The following ZNF284 variants were observed in gnomAD, a reference collection of about 807,000 sequenced individuals.
ZNF284 encodes the protein zinc finger protein 284.
A neutral mutation model predicts 12.9 loss-of-function variants in ZNF284; 12 were observed. That is an observed-to-expected ratio of 0.93 (90% CI 0.60 to 1.51). ZNF284 has a LOEUF of 1.51. Ranked by LOEUF, ZNF284 falls within the 40% of genes most tolerant of loss-of-function variation. ZNF284 has a pLI of 0.00. For missense variants in ZNF284, 667 were observed against 707.3 expected (o/e 0.94, Z 0.65); for synonymous variants, 225 against 236.5 (o/e 0.95, Z 0.45).
intron 3 of ZNF284, 36 bp from the exon 4 acceptor site, chr19:44,081,977 G>T: frequency 6.4e-7 from 1 of 1,551,282 alleles, no homozygotes. Flanking sequence ...TTTTACCTAA[G>T]ATGTATTGGG....
chr19:44,076,527 C>A, intron 2 of ZNF284, 123 bp downstream of exon 2: 2 of 919,050 alleles, frequency 2.2e-6, no homozygotes, highest in Non-Finnish European at 3.2e-6. Context: ...CTGTTGTGTG[C>A]CAGATGCTTC....
chr19:44,085,143 T>G (rs1967209820), intron 4 of ZNF284: 1 of 152,312 alleles, frequency 6.6e-6, no homozygotes, highest in African/African-American at 2.4e-5. Flanking sequence ...CTCTGCTGAA[T>G]TCCAGTGATC....
rs75328940 is a variant in ZNF284, at chr19:44,072,941, T to C, written c.-69+650T>C. 7.5e-3 allele frequency among the ~76,000 whole-genome samples: 1,150 copies of C among 152,376 alleles called. 9 individuals carry two copies. The highest frequency in any genetic ancestry group is 0.055 in the South Asian group (268 of 4,834). ...GACTTCTTGGCTACTGAGGGCAAAG[T>C]TCCACGAGAGTGGTCCTTGGCTTTT... On this transcript the variant is annotated intron_variant, in intron 1 of 4. Transcript: ENST00000421176.
At chr19:44,082,175 A>G (rs987255858) in intron 4 of ZNF284, 70 bp downstream of exon 4, 2 of 1,282,948 alleles carry the variant, frequency 1.6e-6, no homozygotes, top group Non-Finnish European at 1.1e-6. Flanking sequence ...CCATTGCCCA[A>G]CTCCATTGCC....
chr19:44,088,100 A>G lies in ZNF284; in HGVS notation c.*840A>G, dbSNP rs960886674. Reference sequence around the variant, plus strand: ...AAAAATTTTTGTATTTTTAGTGAAGATGGGGTTTCACCACATTGGCCAGGC... The same window carrying G: ...AAAAATTTTTGTATTTTTAGTGAAGGTGGGGTTTCACCACATTGGCCAGGC... On this transcript the variant is annotated 3_prime_UTR_variant, in exon 5 of 5. Transcript: ENST00000421176. The G allele has an allele frequency of 8.6e-5, 13 of 151,920 alleles. No individual in the cohort carries two copies. The highest frequency in any genetic ancestry group is 7.9e-4 in the Admixed American group (12 of 15,270). 9.4% of individuals were successfully genotyped at this position (151,920 alleles called of 1,614,324 possible).
intron 4 of ZNF284, among the ~76,000 whole-genome samples, chr19:44,084,538 G>C (rs1378450608): frequency 6.6e-6 from 1 of 152,170 alleles, no homozygotes; most frequent in Non-Finnish European, 1.5e-5. Flanking sequence ...TGCCGTTAGA[G>C]GCAGCAGCCC....
rs988676226 is a variant in ZNF284 at position 44,089,388 on chromosome 19, CAAAG to C, written c.*2132_*2135del. The stretch of plus-strand genomic sequence containing the variant: ...GGGGGGCGTGGAAATCACTAAACAA[CAAAG>C]AAAATCTGATGAATTGGACAGCATA... On this transcript the variant is annotated 3_prime_UTR_variant, in exon 5 of 5. Transcript: ENST00000421176. 2 of 151,978 alleles carry C rather than the reference CAAAG, an allele frequency of 1.3e-5. No homozygotes were observed. Among genetic ancestry groups the C allele is most frequent in the African/African-American group, 4.8e-5 (2 of 41,354 alleles). The allele number at this position is 151,978 out of a possible 1,614,324, so 9.4% of individuals were successfully genotyped here.
chr19:44,085,964 TG>T lies in ZNF284; in HGVS notation c.487del (p.Asp163IlefsTer248), dbSNP rs779007768. 4 of 1,614,064 alleles carry T rather than the reference TG, an allele frequency of 2.5e-6. No homozygotes were observed. The Admixed American group carries it at 6.7e-5, about 27-fold the overall frequency. ...KKFFSDVSIL[D>X]LHQQLHSGKI... is the part of the protein sequence containing the mutation. ...AATTCTTCAGTGATGTCTCCATCCTTGATCTTCATCAACAATTACACTCAGG... is the reference window on the plus strand; with the variant it reads ...AATTCTTCAGTGATGTCTCCATCCTTATCTTCATCAACAATTACACTCAGG... On this transcript the variant is annotated frameshift_variant, in exon 5 of 5. Transcript: ENST00000421176. LOFTEE classifies it low-confidence loss of function (END_TRUNC).
At position 44,086,841 on chromosome 19, in the gene ZNF284, T is replaced by C; in HGVS notation, c.1363T>C (p.Tyr455His). 1.9e-6 allele frequency: 3 copies of C among 1,614,042 alleles called. No individual in the cohort carries two copies. The highest frequency in any genetic ancestry group is 2.5e-6 in the Non-Finnish European group (3 of 1,179,990). Reference sequence around the variant, plus strand: ...GAGGGTCCACACGGGAGAGAGACCTTATAATTGTAAGGAATGTGGAAAGAG... The same window carrying C: ...GAGGGTCCACACGGGAGAGAGACCTCATAATTGTAAGGAATGTGGAAAGAG... Reference protein sequence around the residue: ...HQRVHTGERPYNCKECGKSFR... With the variant: ...HQRVHTGERPHNCKECGKSFR... Residue 455 changes from tyrosine to histidine, a missense_variant, in exon 5 of 5, where the codon TAT becomes CAT. Transcript: ENST00000421176.
chr19:44,076,606 G>T (rs1031165665), intron 2 of ZNF284, among the ~76,000 whole-genome samples: 1 of 151,978 alleles, frequency 6.6e-6, no homozygotes, highest in African/African-American at 2.4e-5. Context: ...TTTATGTTAT[G>T]AGTAGAAATT....
At chr19:44,074,076 G>A (rs888627074) in intron 1 of ZNF284, among the ~76,000 whole-genome samples, 23 of 151,406 alleles carry the variant, frequency 1.5e-4, no homozygotes, top group Admixed American at 7.2e-4. Context: ...GATATTGGCC[G>A]GGCATGGTGG....
chr19:44,078,449 AATT>A (rs752073895), intron 2 of ZNF284, among the ~76,000 whole-genome samples: 15 of 152,102 alleles, frequency 9.9e-5, no homozygotes, highest in Non-Finnish European at 1.8e-4. Flanking sequence ...TTTCATTTGA[AATT>A]ATTGTATTAT....
chr19:44,081,908 G>A (rs919399877), intron 3 of ZNF284, 105 bp from the exon 4 acceptor site: 21 of 843,264 alleles, frequency 2.5e-5, no homozygotes, highest in African/African-American at 8.5e-5. Context: ...TGGGGACACC[G>A]CCAAACCATA....
At position 44,087,687 on chromosome 19, in the gene ZNF284, G is replaced by A. The variant is rs1340223232; in HGVS notation, c.*427G>A. 1 of 148,784 alleles carries A rather than the reference G, an allele frequency of 6.7e-6. No individual in the cohort carries two copies. Among genetic ancestry groups the A allele is most frequent in the Non-Finnish European group, 1.5e-5 (1 of 68,574 alleles). 9.2% of individuals were successfully genotyped at this position (148,784 alleles called of 1,614,324 possible). ...TCTCACTGCAGCCTCCACCTCCTGG[G>A]TTCAAGCGATTCTCCTGCCTAAACC... On this transcript the variant is annotated 3_prime_UTR_variant, in exon 5 of 5. Coordinates refer to ENST00000421176, the MANE Select transcript of ZNF284 (RefSeq NM_001037813.4).
At chr19:44,082,718 CT>C (rs890732518) in intron 4 of ZNF284, among the ~76,000 whole-genome samples, 1 of 152,184 alleles carries the variant, frequency 6.6e-6, no homozygotes, top group Non-Finnish European at 1.5e-5. Flanking sequence ...TGGCTCTTGT[CT>C]CCCTTCCTCC....
At chr19:44,074,333 A>C (rs1266986670) in intron 1 of ZNF284, among the ~76,000 whole-genome samples, 1 of 152,132 alleles carries the variant, frequency 6.6e-6, no homozygotes, top group African/African-American at 2.4e-5. Flanking sequence ...AGCCTGGGCA[A>C]CAAGAGCGAA....
Position 44,086,943 on chromosome 19 carries a change from G to C in ZNF284, c.1465G>C (p.Gly489Arg). The change falls in exon 5 of 5, where the codon GGG becomes CGG. Residue 489 changes from glycine (G) to arginine (R), a missense_variant. Gly to Arg is a moderately radical substitution (Grantham distance 125). Coordinates refer to ENST00000421176, the MANE Select transcript of ZNF284 (RefSeq NM_001037813.4). ...GEKPFKCEEC[G>R]KRFTENSKLR... ...AAAACCATTCAAATGTGAAGAGTGT[G>C]GGAAGAGGTTTACTGAGAATTCAAA... 1 of 1,614,184 alleles carries C rather than the reference G, an allele frequency of 6.2e-7. No homozygotes were observed. Among genetic ancestry groups the C allele is most frequent in the African/African-American group, 1.3e-5 (1 of 75,016 alleles).
In ZNF284 at chr19:44,086,818, G is replaced by A; in HGVS notation, c.1340G>A (p.Arg447Lys). Reference protein sequence around the residue: ...ISKFNLDLHQRVHTGERPYNC... With the variant: ...ISKFNLDLHQKVHTGERPYNC... The stretch of plus-strand genomic sequence containing the variant: ...AAGTTTAATCTTGACTTGCACCAGA[G>A]GGTCCACACGGGAGAGAGACCTTAT... The change falls in exon 5 of 5, where the codon AGG becomes AAG. Residue 447 changes from arginine to lysine, a missense_variant. Coordinates refer to ENST00000421176, the MANE Select transcript of ZNF284 (RefSeq NM_001037813.4). 1 of 1,614,134 alleles carries A rather than the reference G, an allele frequency of 6.2e-7. No homozygotes were observed. Among genetic ancestry groups the A allele is most frequent in the Non-Finnish European group, 8.5e-7 (1 of 1,180,030 alleles).
Position 44,086,007 on chromosome 19 carries a change from T to A in ZNF284, c.529T>A (p.Cys177Ser), listed in dbSNP as rs769249786. 6 of 1,614,030 alleles carry A rather than the reference T, an allele frequency of 3.7e-6. No individual in the cohort carries two copies. The highest frequency in any genetic ancestry group is 5.1e-6 in the Non-Finnish European group (6 of 1,180,024). ...ACACTCAGGAAAGATATCCCATACA[T>A]GTAATGAGTACAGGAAGAGATTCTG... ...QLHSGKISHT[C>S]NEYRKRFCYS... Residue 177 changes from cysteine (C) to serine (S), a missense_variant, in exon 5 of 5, where the codon TGT (cysteine) becomes AGT (serine). Physicochemically the swap from Cys to Ser is moderately radical, Grantham distance 112. Transcript: ENST00000421176.
Sources: gnomAD v4.1 joint callset for allele counts (sites outside exome capture counted in the v4.1 genomes callset) on GRCh38, gnomAD v4.1.1 for gene constraint, MANE v1.5 for transcripts, NCBI Gene and HGNC (gene_info 2026-07-23, HGNC 2026-07-21) for gene names.